The following FANCA variants were observed in gnomAD, a reference collection of about 807,000 sequenced individuals.
FANCA encodes FA complementation group A.
A neutral mutation model predicts 194.3 loss-of-function variants in FANCA; 236 were observed. That is an observed-to-expected ratio of 1.21 (90% CI 1.09 to 1.35). FANCA has a LOEUF of 1.35. Ranked by LOEUF, FANCA falls within the 40% of genes most tolerant of loss-of-function variation. The pLI is 0.00. For synonymous variants in FANCA, 1,014 were observed against 715.8 expected (o/e 1.42, Z -6.65); for missense variants, 2,628 against 1,813.9 (o/e 1.45, Z -8.15).
chr16:89,738,355 CT>C lies in FANCA; in HGVS notation c.*245del. ...GGAGGGTCGGAGGGTGCTGCCCGCC[CT>C]TGGTGCTGGAGGCGGGCTTGGTGTC... On this transcript the variant is annotated 3_prime_UTR_variant, in exon 43 of 43. Transcript: ENST00000389301. 6.8e-7 allele frequency: 1 copy of C among 1,470,940 alleles called. No individual in the cohort carries two copies. The highest frequency in any genetic ancestry group is 9.1e-7 in the Non-Finnish European group (1 of 1,104,688). 91.1% of individuals were successfully genotyped at this position (1,470,940 alleles called of 1,614,324 possible).
chr16:89,749,301 C>T (rs1261928082), intron 32 of FANCA, among the ~76,000 whole-genome samples: 1 of 152,212 alleles, frequency 6.6e-6, no homozygotes, highest in African/African-American at 2.4e-5. Context: ...AAACCTCTGC[C>T]TCCCAGGTTC....
At chr16:89,797,839 G>C (rs979161805) in intron 10 of FANCA, among the ~76,000 whole-genome samples, 10 of 151,268 alleles carry the variant, frequency 6.6e-5, no homozygotes, top group Non-Finnish European at 1.5e-5. Context: ...AGGTTGCAGT[G>C]AGCAGAGATC....
chr16:89,801,199 C>T (rs2040438148), intron 8 of FANCA, among the ~76,000 whole-genome samples: 2 of 151,662 alleles, frequency 1.3e-5, no homozygotes, highest in South Asian at 4.2e-4. Flanking sequence ...GAAAAACTAG[C>T]CGGGAGTGGT....
intron 2 of FANCA, 110 bp downstream of exon 2, chr16:89,815,767 G>C (rs1193209669): frequency 1.4e-5 from 13 of 916,866 alleles, no homozygotes; most frequent in East Asian, 2.4e-5. Flanking sequence ...CTGCGGGCCA[G>C]GCCACCGCGC....
intron 5 of FANCA, among the ~76,000 whole-genome samples, chr16:89,809,047 A>AG (rs1417053762): frequency 1.3e-5 from 2 of 151,964 alleles, no homozygotes; most frequent in African/African-American, 4.8e-5. Flanking sequence ...CTGGGACTAC[A>AG]GGTGCCTGCC....
intron 10 of FANCA, among the ~76,000 whole-genome samples, chr16:89,797,772 G>C (rs571831488): frequency 3.3e-5 from 5 of 152,090 alleles, no homozygotes; most frequent in African/African-American, 1.2e-4. Flanking sequence ...GTGCATGCCT[G>C]TAATCCCAGC....
intron 5 of FANCA, among the ~76,000 whole-genome samples, chr16:89,809,922 T>G (rs9928953): frequency 0.54 from 80,737 of 150,612 alleles, 23,766 homozygotes; most frequent in East Asian, 0.98. Flanking sequence ...GCTACTAAGG[T>G]GGCTGAGGCA....
At chr16:89,749,129 G>A (rs997841186) in intron 32 of FANCA, among the ~76,000 whole-genome samples, 1 of 152,170 alleles carries the variant, frequency 6.6e-6, no homozygotes, top group African/African-American at 2.4e-5. Context: ...TCTTATAAAT[G>A]CAGCCGCCGT....
At chr16:89,750,501 A>AAAAAAAAAAAAC (rs1289505609) in intron 31 of FANCA, among the ~76,000 whole-genome samples, 4 of 145,588 alleles carry the variant, frequency 2.7e-5, no homozygotes, top group East Asian at 2.2e-4. Flanking sequence ...ACAAACAAAA[A>AAAAAAAAAAAAC]AAAACAGCCA....
chr16:89,738,850 C>G lies in FANCA; in HGVS notation c.4260+32G>C, dbSNP rs755531081. On this transcript the variant is annotated intron_variant, in intron 42 of 42. Coordinates refer to ENST00000389301, the MANE Select transcript of FANCA (RefSeq NM_000135.4). Reference sequence around the variant, plus strand: ...GGCAGCTGTCAATTCTCATGTCCCCCACATGGCCCAAGGTGGGCATCTTGA... The same window carrying G: ...GGCAGCTGTCAATTCTCATGTCCCCGACATGGCCCAAGGTGGGCATCTTGA... The G allele has an allele frequency of 1.7e-5, 28 of 1,614,204 alleles. No homozygotes were observed. The highest frequency in any genetic ancestry group is 2.7e-5 in the African/African-American group (2 of 75,080).
chr16:89,814,329 G>A (rs368240330), intron 3 of FANCA, among the ~76,000 whole-genome samples, 191 bp downstream of exon 3: 32 of 152,286 alleles, frequency 2.1e-4, no homozygotes, highest in African/African-American at 7.5e-4. Context: ...ATCAGACGCT[G>A]TTTTTAAACA....
At chr16:89,799,708 A>G in intron 8 of FANCA, 70 bp from the exon 9 acceptor site, 2 of 1,287,576 alleles carry the variant, frequency 1.6e-6, no homozygotes, top group Middle Eastern at 1.8e-4. Flanking sequence ...GCATCACACA[A>G]GAGAATTATT....
intron 14 of FANCA, among the ~76,000 whole-genome samples, chr16:89,788,530 G>C (rs2039968099): frequency 1.3e-5 from 2 of 152,194 alleles, no homozygotes; most frequent in South Asian, 4.1e-4. Flanking sequence ...GGACATGGTG[G>C]CTCATGCCTG....
chr16:89,799,712 AATT>A (rs1477884333), intron 8 of FANCA, 74 bp from the exon 9 acceptor site: 6 of 1,261,656 alleles, frequency 4.8e-6, no homozygotes, highest in African/African-American at 1.5e-5. Context: ...CACACAAGAG[AATT>A]ATTACTTGTT....
intron 29 of FANCA, among the ~76,000 whole-genome samples, chr16:89,759,127 T>C (rs1318164901): frequency 1.3e-5 from 2 of 151,046 alleles, no homozygotes; most frequent in Non-Finnish European, 3.0e-5. Flanking sequence ...GAGACCATCC[T>C]GGGTAACACG....
intron 30 of FANCA, among the ~76,000 whole-genome samples, chr16:89,752,920 G>A (rs909654069): frequency 9.9e-5 from 15 of 152,116 alleles, no homozygotes; most frequent in African/African-American, 3.1e-4. Flanking sequence ...AGAAGACTCT[G>A]CTCCTCCACC....
rs928901298 is a variant in FANCA at position 89,782,727 on chromosome 16, C to T, written c.1626+132G>A. The T allele has an allele frequency of 5.1e-6, 4 of 777,034 alleles. No homozygotes were observed. In the African/African-American group the frequency reaches 6.9e-5, roughly 13 times the overall value. 48.1% of individuals were successfully genotyped at this position (777,034 alleles called of 1,614,324 possible). On this transcript the variant is annotated intron_variant, in intron 17 of 42. Transcript: ENST00000389301. ...ACAGAGGCCCGCAGAGCCTCGCCCC[C>T]AGCTGCGCCCGAGGCAAGACCAGAC...
chr16:89,743,151 C>T (rs572097815), intron 36 of FANCA, among the ~76,000 whole-genome samples: 4 of 152,288 alleles, frequency 2.6e-5, no homozygotes, highest in South Asian at 2.1e-4. Context: ...AGCATCCTGG[C>T]GTTCTGAGAG....
rs71137677 is a variant in FANCA, at chr16:89,812,646, C to CAAAAAAAAAAAAAAA, written c.284-1590_284-1576dup. On this transcript the variant is annotated intron_variant, in intron 3 of 42. Transcript: ENST00000389301. ...GGGTAACAAGAGCAATACTCCGTCT[C>CAAAAAAAAAAAAAAA]AAAAAAAAAAAAAAAAAAAAAAAAC... Among the ~76,000 whole-genome samples the CAAAAAAAAAAAAAAA allele has an allele frequency of 2.1e-3, 88 of 42,314 alleles. 1 individual carries two copies. Among genetic ancestry groups the CAAAAAAAAAAAAAAA allele is most frequent in the South Asian group, 3.3e-3 (3 of 912 alleles). The allele number at this position is 42,314 out of a possible 152,430, so 27.8% of individuals were successfully genotyped here. A position where few individuals can be genotyped will look rare whatever the true frequency, so the allele number is the denominator to read the frequency against.
Sources: gnomAD v4.1 joint callset for allele counts (sites outside exome capture counted in the v4.1 genomes callset) on GRCh38, gnomAD v4.1.1 for gene constraint, MANE v1.5 for transcripts, NCBI Gene and HGNC (gene_info 2026-07-23, HGNC 2026-07-21) for gene names.